The following HK1 variants were observed in gnomAD, a reference collection of about 807,000 sequenced individuals.
HK1 encodes the protein hexokinase-1.
A neutral mutation model predicts 91.6 loss-of-function variants in HK1; 28 were observed. That is an observed-to-expected ratio of 0.31 (90% CI 0.23 to 0.42). The LOEUF is 0.42. Among genes scored for constraint, HK1 ranks in the 10% least tolerant of loss-of-function variants. The pLI is 1.00. For synonymous variants in HK1, 430 were observed against 468.1 expected (o/e 0.92, Z 1.05); for missense variants, 770 against 1,219.8 (o/e 0.63, Z 5.49).
upstream of HK1, among the ~76,000 whole-genome samples, chr10:69,312,729 C>A (rs1846433614): frequency 6.6e-6 from 1 of 152,150 alleles, no homozygotes; most frequent in Non-Finnish European, 1.5e-5. Context: ...TGGTGACATT[C>A]TTCAGTCTTC....
At chr10:69,332,904 T>G (rs187954760) in intron 1 of HK1, among the ~76,000 whole-genome samples, 131 of 152,260 alleles carry the variant, frequency 8.6e-4, no homozygotes, top group African/African-American at 3.1e-3. Flanking sequence ...AACAGAGCCC[T>G]GAGCCTGGGC....
At chr10:69,361,649 C>T (rs1396519376) in intron 3 of HK1, among the ~76,000 whole-genome samples, 2 of 152,210 alleles carry the variant, frequency 1.3e-5, no homozygotes, top group East Asian at 3.8e-4. Flanking sequence ...CTTCTTACCA[C>T]TGCCCTCTTC....
intron 4 of HK1, among the ~76,000 whole-genome samples, chr10:69,365,479 C>A (rs1849654387): frequency 6.6e-6 from 1 of 152,198 alleles, no homozygotes; most frequent in African/African-American, 2.4e-5. Flanking sequence ...TTCAGCACTG[C>A]AGGAATACAA....
intron 3 of HK1, among the ~76,000 whole-genome samples, chr10:69,293,487 C>T (rs1278475745): frequency 6.6e-6 from 1 of 152,234 alleles, no homozygotes; most frequent in African/African-American, 2.4e-5. Context: ...TGAAACCCTT[C>T]TCTGTATCAG....
At chr10:69,312,921 T>C (rs1846444228), upstream of HK1, among the ~76,000 whole-genome samples, 1 of 151,724 alleles carries the variant, frequency 6.6e-6, no homozygotes, top group Admixed American at 6.6e-5. Flanking sequence ...TATTTTGGGG[T>C]GAATTATGTT....
chr10:69,394,805 C>T (rs1564570406), intron 15 of HK1, 145 bp from the exon 16 acceptor site: 3 of 798,916 alleles, frequency 3.8e-6, no homozygotes, highest in Non-Finnish European at 6.4e-6. Flanking sequence ...CACTCTGCCT[C>T]TGCGGCAGAG....
chr10:69,278,880 C>G (rs1346956695), intron 1 of HK1: 1 of 152,048 alleles, frequency 6.6e-6, no homozygotes, highest in Non-Finnish European at 1.5e-5. Context: ...TGAGCTTGCT[C>G]TCCAGTGTTT....
At chr10:69,388,515 G>A (rs1041920737) in intron 13 of HK1, among the ~76,000 whole-genome samples, 1 of 151,278 alleles carries the variant, frequency 6.6e-6, no homozygotes, top group Non-Finnish European at 1.5e-5. Context: ...AATTCTTCTA[G>A]CTTGCTTTCC....
At chr10:69,334,474 G>A (rs935775139) in intron 1 of HK1, among the ~76,000 whole-genome samples, 2 of 152,208 alleles carry the variant, frequency 1.3e-5, no homozygotes, top group African/African-American at 4.8e-5. Context: ...GTGCTGAGGG[G>A]AAGGCAGGGG....
intron 8 of HK1, among the ~76,000 whole-genome samples, chr10:69,378,321 A>C (rs76908630): frequency 0.015 from 2,215 of 152,126 alleles, 58 homozygotes; most frequent in African/African-American, 0.051. Context: ...AAAAAAAAAA[A>C]ACTATAAAAA....
intron 4 of HK1, among the ~76,000 whole-genome samples, chr10:69,367,181 G>T (rs1440776082): frequency 6.6e-6 from 1 of 152,146 alleles, no homozygotes; most frequent in African/African-American, 2.4e-5. Flanking sequence ...CCAGAGGTGG[G>T]GGGTGTCCAC....
At chr10:69,295,784 C>T in intron 4 of HK1, 1 of 790,146 alleles carries the variant, frequency 1.3e-6, no homozygotes, top group Middle Eastern at 2.2e-4. Flanking sequence ...AGCCAAGCAG[C>T]TGTGCAGTGG....
chr10:69,305,932 C>T (rs12765993), intron 5 of HK1, among the ~76,000 whole-genome samples: 133,543 of 151,730 alleles, frequency 0.88, 59,149 homozygotes, highest in East Asian at 0.99. Context: ...ATGACTGAGG[C>T]GAGTCTCAAT....
At position 69,369,168 on chromosome 10, in the gene HK1, C is replaced by T. The variant is rs1849864255; in HGVS notation, c.592-69C>T. 7 of 1,168,720 alleles carry T rather than the reference C, an allele frequency of 6.0e-6. No homozygotes were observed. Among genetic ancestry groups the T allele is most frequent in the East Asian group, 4.7e-5 (2 of 42,716 alleles). The allele number at this position is 1,168,720 out of a possible 1,614,324, so 72.4% of individuals were successfully genotyped here. Reference sequence around the variant, plus strand: ...TGAAAACGGGAGCACTTCTGCCAAGCGCTGTTAAGGTGTGTGATCTCTGCT... The same window carrying T: ...TGAAAACGGGAGCACTTCTGCCAAGTGCTGTTAAGGTGTGTGATCTCTGCT... On this transcript the variant is annotated intron_variant, in intron 5 of 17. Transcript: ENST00000359426. The surrounding 1 kb of genome is among the most constrained non-coding windows in gnomAD (Gnocchi z 4.4).
intron 1 of HK1, among the ~76,000 whole-genome samples, chr10:69,280,017 G>T (rs555647187): frequency 6.6e-6 from 1 of 152,342 alleles, no homozygotes; most frequent in African/African-American, 2.4e-5. Context: ...ACACGAGGAA[G>T]GATGAAAGGA....
chr10:69,372,912 A>G (rs1379965701), intron 7 of HK1, among the ~76,000 whole-genome samples: 1 of 152,032 alleles, frequency 6.6e-6, no homozygotes, highest in Non-Finnish European at 1.5e-5. Context: ...TCTGTCACCC[A>G]GGCTGGAGTG....
In HK1 at chr10:69,329,746, G is replaced by T. The variant is rs564927901; in HGVS notation, c.63+10736G>T. 1.3e-4 allele frequency among the ~76,000 whole-genome samples: 20 copies of T among 152,144 alleles called. No individual in the cohort carries two copies. The East Asian group carries it at 3.9e-3, about 29-fold the overall frequency. On this transcript the variant is annotated intron_variant, in intron 1 of 17. Coordinates refer to ENST00000359426, the MANE Select transcript of HK1 (RefSeq NM_000188.3). Reference sequence around the variant, plus strand: ...ACAGATGCAAGGAGGGAAAGACTGGGGTGGGAGAGGGGTGGAATTGGCTTG... The same window carrying T: ...ACAGATGCAAGGAGGGAAAGACTGGTGTGGGAGAGGGGTGGAATTGGCTTG...
rs13139 is a variant in HK1, at chr10:69,401,141, C to T, written c.*6C>T. On this transcript the variant is annotated 3_prime_UTR_variant, in exon 18 of 18. Coordinates refer to ENST00000359426, the MANE Select transcript of HK1 (RefSeq NM_000188.3). ...GCACAGAGGCAAGCAGCTAAGAGTC[C>T]GGGATCCCCAGCCTACTGCCTCTCC... The T allele has an allele frequency of 0.015, 24,948 of 1,612,636 alleles. 982 individuals are homozygous for T. Among genetic ancestry groups the T allele is most frequent in the African/African-American group, 0.14 (10,560 of 75,016 alleles).
intron 2 of HK1, among the ~76,000 whole-genome samples, chr10:69,358,680 A>G (rs1031748730): frequency 5.3e-5 from 8 of 152,150 alleles, no homozygotes; most frequent in Non-Finnish European, 8.8e-5. Context: ...TGGCCGACAT[A>G]GTGAAGCCCT....
Sources: gnomAD v4.1 joint callset for allele counts (sites outside exome capture counted in the v4.1 genomes callset) on GRCh38, gnomAD v4.1.1 for gene constraint, Gnocchi (gnomAD v3.1) non-coding constraint, MANE v1.5 for transcripts, NCBI Gene and HGNC (gene_info 2026-07-23, HGNC 2026-07-21) for gene names.